Variants in EPS8 observed in about 807,000 individuals in gnomAD.
EPS8 encodes epidermal growth factor receptor kinase substrate 8.
In EPS8, 42 loss-of-function variants were observed where a neutral mutation model predicts 103.8. The observed-to-expected ratio is 0.40, with a 90% CI of 0.32 to 0.52. The LOEUF is 0.52. EPS8 is among the 20% of genes least tolerant of loss of function. The probability of loss-of-function intolerance (pLI) is 0.40; values close to 1 mark genes in which losing one functional copy is unlikely to be tolerated. For missense variants in EPS8, 969 were observed against 1,005.1 expected (o/e 0.96, Z 0.49); for synonymous variants, 344 against 344.6 (o/e 1.00, Z 0.02).
At chr12:15,642,512 A>C (rs887907036) in intron 15 of EPS8, among the ~76,000 whole-genome samples, 1 of 152,164 alleles carries the variant, frequency 6.6e-6, no homozygotes, top group African/African-American at 2.4e-5. Flanking sequence ...CTAATCATTA[A>C]ATGAGTACTA....
intron 1 of EPS8, among the ~76,000 whole-genome samples, chr12:15,687,689 TAAAGA>T (rs1946114391): frequency 6.6e-6 from 1 of 152,182 alleles, no homozygotes; most frequent in South Asian, 2.1e-4. Flanking sequence ...GAAGGGCTAA[TAAAGA>T]AAAGAGGCAT....
chr12:15,709,587 A>G (rs1448354060), intron 1 of EPS8, among the ~76,000 whole-genome samples: 1 of 152,254 alleles, frequency 6.6e-6, no homozygotes, highest in African/African-American at 2.4e-5. Context: ...AGAAGACTGT[A>G]GCATGAATTA....
intron 1 of EPS8, among the ~76,000 whole-genome samples, chr12:15,765,738 C>A (rs565511246): frequency 6.7e-6 from 1 of 149,500 alleles, no homozygotes; most frequent in South Asian, 2.1e-4. Context: ...AAAGGAATTA[C>A]AAAAGTCTTG....
rs201331879 is a variant in EPS8 at position 15,681,305 on chromosome 12, GTAATAATAATAA to G, written c.60-15_60-4del. The G allele has an allele frequency of 6.4e-5, 69 of 1,083,790 alleles. 6 individuals are homozygous for G. The South Asian group carries it at 9.7e-4, about 15-fold the overall frequency. The allele number at this position is 1,083,790 out of a possible 1,614,324, so 67.1% of individuals were successfully genotyped here. Reference sequence around the variant, plus strand: ...AGGTAGGTGATGATCCGTAGCCACTGTAATAATAATAATAATAATAATAATAATAATATAAAA... The same window carrying G: ...AGGTAGGTGATGATCCGTAGCCACTGTAATAATAATAATAATAATATAAAA... On this transcript the variant is annotated splice_polypyrimidine_tract_variant and splice_region_variant and intron_variant, in intron 2 of 20. Transcript: ENST00000281172.
At chr12:15,783,500 T>C (rs1342269452) in intron 1 of EPS8, among the ~76,000 whole-genome samples, 2 of 152,082 alleles carry the variant, frequency 1.3e-5, no homozygotes, top group Admixed American at 6.6e-5. Context: ...AAGAATAGCA[T>C]GGGAAAAGAT....
chr12:15,669,544 T>A lies in EPS8; in HGVS notation c.367-8A>T. Reference sequence around the variant, plus strand: ...AAAATTCTCCAGTTCATTCTATAAATAAAGTGAACATTTTATTTTGTCAAA... The same window carrying A: ...AAAATTCTCCAGTTCATTCTATAAAAAAAGTGAACATTTTATTTTGTCAAA... On this transcript the variant is annotated splice_region_variant and splice_polypyrimidine_tract_variant and intron_variant, in intron 5 of 20. Coordinates refer to ENST00000281172, the MANE Select transcript of EPS8 (RefSeq NM_004447.6). 6.3e-7 allele frequency: 1 copy of A among 1,586,050 alleles called. No homozygotes were observed. The highest frequency in any genetic ancestry group is 8.6e-7 in the Non-Finnish European group (1 of 1,164,842).
chr12:15,726,734 G>C (rs1222856815), intron 1 of EPS8, among the ~76,000 whole-genome samples: 2 of 152,162 alleles, frequency 1.3e-5, no homozygotes, highest in Non-Finnish European at 2.9e-5. Context: ...CTGGTAATTA[G>C]TTAATCTGTT....
intron 16 of EPS8, 135 bp from the exon 17 acceptor site, chr12:15,640,981 G>C (rs191854460): frequency 8.3e-5 from 58 of 697,028 alleles, no homozygotes; most frequent in Non-Finnish European, 1.3e-4. Flanking sequence ...TTGATTGAAT[G>C]ATTCTCAGGA....
rs1946931608 is a variant in EPS8 at position 15,751,562 on chromosome 12, C to T, written c.-22+37599G>A. ...TGTGCCTCCACAAACACTTATTCAA[C>T]AAATATTTAATGGACAGATTCAATA... On this transcript the variant is annotated intron_variant, in intron 1 of 20. Coordinates refer to ENST00000281172, the MANE Select transcript of EPS8 (RefSeq NM_004447.6). This position sits in a 1 kb window ranked among gnomAD's most constrained non-coding sequence, Gnocchi z 4.3. Among the ~76,000 whole-genome samples the T allele has an allele frequency of 6.6e-6, 1 of 152,108 alleles. No individual in the cohort carries two copies. Among genetic ancestry groups the T allele is most frequent in the Middle Eastern group, 3.4e-3 (1 of 294 alleles).
chr12:15,672,445 C>T (rs1253063949), intron 3 of EPS8: 1 of 398,342 alleles, frequency 2.5e-6, no homozygotes, highest in Non-Finnish European at 4.4e-6. Context: ...AAAATTCACT[C>T]TGTGCTACCT....
chr12:15,627,824 C>T (rs1310070571), intron 18 of EPS8, among the ~76,000 whole-genome samples: 1 of 152,050 alleles, frequency 6.6e-6, no homozygotes, highest in African/African-American at 2.4e-5. Flanking sequence ...TACATAGGTA[C>T]ATTATGTTCG....
At chr12:15,715,551 AT>A (rs1356317232) in intron 1 of EPS8, among the ~76,000 whole-genome samples, 1 of 151,530 alleles carries the variant, frequency 6.6e-6, no homozygotes, top group Non-Finnish European at 1.5e-5. Context: ...CGCCTGGCTA[AT>A]TTTTTGTGTT....
intron 18 of EPS8, among the ~76,000 whole-genome samples, chr12:15,630,890 C>A (rs1466069818): frequency 6.6e-6 from 1 of 152,142 alleles, no homozygotes; most frequent in Non-Finnish European, 1.5e-5. Context: ...TGTCCCTGGT[C>A]TCTACCCATT....
chr12:15,704,647 G>T lies in EPS8; in HGVS notation c.-21-21675C>A, dbSNP rs1946360059. Reference sequence around the variant, plus strand: ...AGGAAGATGAAAAACTCCTAGAGATGGATGGTCATGATGGCTGCACAACAA... The same window carrying T: ...AGGAAGATGAAAAACTCCTAGAGATTGATGGTCATGATGGCTGCACAACAA... On this transcript the variant is annotated intron_variant, in intron 1 of 20. Coordinates refer to ENST00000281172, the MANE Select transcript of EPS8 (RefSeq NM_004447.6). This position sits in a 1 kb window ranked among gnomAD's most constrained non-coding sequence, Gnocchi z 4.6. Among the ~76,000 whole-genome samples, 1 of 152,134 alleles carries T rather than the reference G, an allele frequency of 6.6e-6. No homozygotes were observed. Among genetic ancestry groups the T allele is most frequent in the South Asian group, 2.1e-4 (1 of 4,824 alleles).
chr12:15,740,478 T>C (rs1239054395), intron 1 of EPS8, among the ~76,000 whole-genome samples: 2 of 151,710 alleles, frequency 1.3e-5, no homozygotes, highest in African/African-American at 2.4e-5. Flanking sequence ...CCAGAAGGCG[T>C]AGGTTGCGGT....
chr12:15,729,137 A>G (rs1321072610), intron 1 of EPS8, among the ~76,000 whole-genome samples: 1 of 152,116 alleles, frequency 6.6e-6, no homozygotes, highest in African/African-American at 2.4e-5. Context: ...AATCCCCTAA[A>G]GGTAAGGTGA....
Position 15,698,368 on chromosome 12 carries a change from C to T in EPS8, c.-21-15396G>A, listed in dbSNP as rs901189744. Among the ~76,000 whole-genome samples, 9 of 152,042 alleles carry T rather than the reference C, an allele frequency of 5.9e-5. No individual in the cohort carries two copies. The highest frequency in any genetic ancestry group is 3.9e-4 in the Admixed American group (6 of 15,252). On this transcript the variant is annotated intron_variant, in intron 1 of 20. Coordinates refer to ENST00000281172, the MANE Select transcript of EPS8 (RefSeq NM_004447.6). This position sits in a 1 kb window ranked among gnomAD's most constrained non-coding sequence, Gnocchi z 4.9. ...AAAATTCAGCAGCTCTAGCTTCTAA[C>T]GAGAACTACTCAAGGAAAAGAACAA...
chr12:15,648,046 T>A (rs954722720), intron 14 of EPS8, among the ~76,000 whole-genome samples: 1 of 152,188 alleles, frequency 6.6e-6, no homozygotes, highest in African/African-American at 2.4e-5. Flanking sequence ...TAATAGAATC[T>A]AAAGGCGCAG....
rs530937906 is a variant in EPS8 at position 15,738,008 on chromosome 12, GC to G, written c.-22+51152del. Among the ~76,000 whole-genome samples the G allele has an allele frequency of 8.0e-3, 1,210 of 151,990 alleles. 14 individuals are homozygous for G. The highest frequency in any genetic ancestry group is 0.027 in the African/African-American group (1,129 of 41,478). On this transcript the variant is annotated intron_variant, in intron 1 of 20. Coordinates refer to ENST00000281172, the MANE Select transcript of EPS8 (RefSeq NM_004447.6). This position sits in a 1 kb window ranked among gnomAD's most constrained non-coding sequence, Gnocchi z 6.2. ...ACTTTTTATACAAACTTTAAAATTA[GC>G]TAAACAAATAGTAAATGAGGGGAAT... is the stretch of plus-strand genomic sequence containing the variant.
Sources: allele counts gnomAD v4.1 joint callset (sites outside exome capture counted in the v4.1 genomes callset), GRCh38; gene constraint gnomAD v4.1.1; non-coding constraint Gnocchi (gnomAD v3.1); transcripts MANE v1.5; gene names NCBI Gene and HGNC (gene_info 2026-07-23, HGNC 2026-07-21).